The following LPP variants were observed in gnomAD, a reference collection of about 807,000 sequenced individuals.
The protein encoded by LPP is LIM domain containing preferred translocation partner in lipoma, also known as lipoma-preferred partner.
In LPP, 38 loss-of-function variants were observed where a neutral mutation model predicts 60.4. The ratio of observed to expected loss-of-function variants is 0.63; its 90% confidence interval spans 0.49 to 0.83. The LOEUF is 0.83. Among genes scored for constraint, LPP ranks in the 40% least tolerant of loss-of-function variants. The probability of loss-of-function intolerance (pLI) is 0.00; values close to 1 mark genes in which losing one functional copy is unlikely to be tolerated. For missense variants in LPP, 902 were observed against 783.6 expected, an observed-to-expected ratio of 1.15 and a Z score of -1.80; for synonymous variants, 328 against 290.8, an observed-to-expected ratio of 1.13 and a Z score of -1.30.
At chr3:188,378,105 C>T (rs956818245) in intron 3 of LPP, among the ~76,000 whole-genome samples, 24 of 152,242 alleles carry the variant, frequency 1.6e-4, no homozygotes, top group African/African-American at 5.3e-4. Context: ...GTGAGGTGTC[C>T]GTCTGCCCCT....
At chr3:188,520,765 T>C (rs1818654409) in intron 5 of LPP, among the ~76,000 whole-genome samples, 1 of 152,156 alleles carries the variant, frequency 6.6e-6, no homozygotes, top group Admixed American at 6.5e-5. Context: ...GTGGGGATTG[T>C]TATAATTACA....
intron 2 of LPP, among the ~76,000 whole-genome samples, chr3:188,303,507 G>T (rs983878310): frequency 3.3e-5 from 5 of 152,172 alleles, no homozygotes; most frequent in Admixed American, 2.0e-4. Flanking sequence ...AGAGTACAAA[G>T]AACTGTGGGA....
chr3:188,206,416 T>C (rs976103597), intron 1 of LPP, among the ~76,000 whole-genome samples: 1 of 152,188 alleles, frequency 6.6e-6, no homozygotes, highest in Non-Finnish European at 1.5e-5. Flanking sequence ...GGTTTGAAAT[T>C]ATAGCTAGTA....
chr3:188,818,473 G>A (rs1186064567), intron 9 of LPP, among the ~76,000 whole-genome samples: 1 of 152,110 alleles, frequency 6.6e-6, no homozygotes, highest in Non-Finnish European at 1.5e-5. Flanking sequence ...AACTACACAT[G>A]GATAGTCCAC....
At chr3:188,652,755 T>C (rs1218195017) in intron 7 of LPP, among the ~76,000 whole-genome samples, 1 of 152,096 alleles carries the variant, frequency 6.6e-6, no homozygotes, top group South Asian at 2.1e-4. Flanking sequence ...TAATTAAACA[T>C]CCCCTGGTAT....
chr3:188,717,759 C>G (rs1342098844), intron 8 of LPP, among the ~76,000 whole-genome samples: 4 of 152,090 alleles, frequency 2.6e-5, no homozygotes. Context: ...TAATTCTGAG[C>G]ATTTTATGTG....
At chr3:188,281,601 C>CAAAAAAA (rs1167297915) in intron 2 of LPP, among the ~76,000 whole-genome samples, 11 of 66,514 alleles carry the variant, frequency 1.7e-4, no homozygotes, top group Middle Eastern at 0.01. Flanking sequence ...AAGACTCTAC[C>CAAAAAAA]AAAAAAAAAA....
intron 2 of LPP, among the ~76,000 whole-genome samples, chr3:188,320,498 CA>C (rs1756608311): frequency 6.6e-6 from 1 of 152,136 alleles, no homozygotes; most frequent in South Asian, 2.1e-4. Context: ...ACCACATCTC[CA>C]ATAGAAAGGA....
At chr3:188,578,397 G>A (rs1365056542) in intron 6 of LPP, among the ~76,000 whole-genome samples, 3 of 152,118 alleles carry the variant, frequency 2.0e-5, no homozygotes, top group African/African-American at 7.2e-5. Flanking sequence ...CCAGATGGCT[G>A]TGGCTATGAA....
chr3:188,240,447 T>A (rs935466643), intron 2 of LPP, among the ~76,000 whole-genome samples: 2 of 151,838 alleles, frequency 1.3e-5, no homozygotes, highest in South Asian at 4.2e-4. Context: ...TGTTTGACAG[T>A]AGCAACTTCA....
chr3:188,241,825 T>C (rs570871256), intron 2 of LPP, among the ~76,000 whole-genome samples: 1 of 152,234 alleles, frequency 6.6e-6, no homozygotes, highest in Non-Finnish European at 1.5e-5. Flanking sequence ...TCCCTATAAC[T>C]TCAAAGAGTA....
chr3:188,463,783 T>G (rs573428936), intron 4 of LPP, among the ~76,000 whole-genome samples: 3 of 152,152 alleles, frequency 2.0e-5, no homozygotes, highest in Admixed American at 6.5e-5. Context: ...CAGAGAACGG[T>G]CATTTAACCA....
intron 2 of LPP, among the ~76,000 whole-genome samples, chr3:188,303,063 T>C (rs1053413579): frequency 2.0e-5 from 3 of 152,188 alleles, no homozygotes; most frequent in African/African-American, 7.2e-5. Context: ...CTCAACACTG[T>C]GCTATGTGGG....
At chr3:188,336,824 C>T (rs918484298) in intron 2 of LPP, among the ~76,000 whole-genome samples, 5 of 152,150 alleles carry the variant, frequency 3.3e-5, no homozygotes, top group African/African-American at 1.2e-4. Context: ...TGGGTTATCA[C>T]ATCAGCTCAG....
intron 6 of LPP, among the ~76,000 whole-genome samples, chr3:188,532,550 G>A (rs1464775822): frequency 6.6e-6 from 1 of 152,188 alleles, no homozygotes; most frequent in Non-Finnish European, 1.5e-5. Flanking sequence ...ATAAGAATAG[G>A]GTGGGGCATA....
chr3:188,520,916 A>C lies in LPP; in HGVS notation c.307-3749A>C, dbSNP rs1162394775. ...AAAGATAGGGAGTTAGGAGAAAGACATGTTGGTAAGTCTATAGGATTCTGT... is the reference window on the plus strand; with the variant it reads ...AAAGATAGGGAGTTAGGAGAAAGACCTGTTGGTAAGTCTATAGGATTCTGT... On this transcript the variant is annotated intron_variant, in intron 5 of 11. Coordinates refer to ENST00000617246, the MANE Select transcript of LPP (RefSeq NM_001375462.1). 5.3e-5 allele frequency among the ~76,000 whole-genome samples: 8 copies of C among 152,168 alleles called. No homozygotes were observed. The East Asian group carries it at 1.5e-3, about 29-fold the overall frequency.
At chr3:188,792,426 G>T (rs6810359) in intron 9 of LPP, among the ~76,000 whole-genome samples, 10,712 of 152,068 alleles carry the variant, frequency 0.07, 431 homozygotes, top group Non-Finnish European at 0.079. Flanking sequence ...GTTTGCTGCC[G>T]GTGAGAAGCA....
At chr3:188,311,274 A>C (rs1753314037) in intron 2 of LPP, among the ~76,000 whole-genome samples, 1 of 151,940 alleles carries the variant, frequency 6.6e-6, no homozygotes, top group African/African-American at 2.4e-5. Context: ...GGAGTTTGAG[A>C]CCAGACTGGG....
intron 9 of LPP, among the ~76,000 whole-genome samples, chr3:188,799,500 C>T: frequency 6.6e-6 from 1 of 152,170 alleles, no homozygotes. Flanking sequence ...CCTCCTTGCC[C>T]TGTTAATTAT....
Sources: gnomAD v4.1 joint callset for allele counts (sites outside exome capture counted in the v4.1 genomes callset) on GRCh38, gnomAD v4.1.1 for gene constraint, MANE v1.5 for transcripts, NCBI Gene and HGNC (gene_info 2026-07-23, HGNC 2026-07-21) for gene names.